Variants in SLC38A12 observed in about 807,000 individuals in gnomAD.
The protein encoded by SLC38A12 is putative sodium-coupled neutral amino acid transporter 12.
At chr17:74,811,869 C>CA in the SLC38A12 span, among the ~76,000 whole-genome samples, 17 of 151,200 alleles carry the variant, frequency 1.1e-4, no homozygotes, top group Non-Finnish European at 1.8e-4. Context: ...CCCATCTCTG[C>CA]AAAAAAAATA....
the SLC38A12 span, among the ~76,000 whole-genome samples, chr17:74,829,119 G>A: frequency 6.6e-6 from 1 of 151,976 alleles, no homozygotes; most frequent in East Asian, 1.9e-4. The surrounding 1 kb of genome is among the most constrained non-coding windows in gnomAD (Gnocchi z 4.1). Context: ...CCTTTTCCAC[G>A]CTAAGTCTTT....
chr17:74,785,475 G>C, the SLC38A12 span: 1 of 1,607,890 alleles, frequency 6.2e-7, no homozygotes, highest in South Asian at 1.1e-5. Context: ...GCCTCTGTCG[G>C]TTCCAGGTTG....
the SLC38A12 span, among the ~76,000 whole-genome samples, chr17:74,821,537 C>CA: frequency 6.6e-5 from 10 of 152,170 alleles, no homozygotes; most frequent in Non-Finnish European, 1.3e-4. Context: ...CCCTGGGTGC[C>CA]AGGAGGGATT....
chr17:74,825,725 C>CT, the SLC38A12 span, among the ~76,000 whole-genome samples: 1 of 152,248 alleles, frequency 6.6e-6, no homozygotes, highest in Non-Finnish European at 1.5e-5. Context: ...GGCAAGGAAA[C>CT]TAAGTCCCAG....
At chr17:74,805,164 G>A in the SLC38A12 span, among the ~76,000 whole-genome samples, 2 of 152,254 alleles carry the variant, frequency 1.3e-5, no homozygotes, top group Non-Finnish European at 2.9e-5. The surrounding 1 kb of genome is among the most constrained non-coding windows in gnomAD (Gnocchi z 5.0). Context: ...CTCCCGGGGA[G>A]AGGCCTACTC....
chr17:74,787,252 G>A, the SLC38A12 span, among the ~76,000 whole-genome samples: 34 of 152,248 alleles, frequency 2.2e-4, no homozygotes, highest in Admixed American at 5.2e-4. Context: ...AGGGTGAGCA[G>A]TCAGCCCCCC....
At chr17:74,788,799 A>G in the SLC38A12 span, 16 of 1,613,054 alleles carry the variant, frequency 9.9e-6, no homozygotes, top group East Asian at 1.6e-4. Flanking sequence ...CTTCGTGACC[A>G]CCACCTTTGT....
the SLC38A12 span, chr17:74,837,799 G>T: frequency 1.0e-6 from 1 of 985,950 alleles, no homozygotes; most frequent in Non-Finnish European, 1.2e-6. Context: ...CAGGTGACTC[G>T]AATGAACTCT....
the SLC38A12 span, among the ~76,000 whole-genome samples, chr17:74,787,187 T>G: frequency 4.6e-5 from 7 of 152,108 alleles, no homozygotes; most frequent in Middle Eastern, 3.4e-3. Context: ...GGAGTGAGTG[T>G]GGGTTTAACT....
At chr17:74,811,614 G>T in the SLC38A12 span, among the ~76,000 whole-genome samples, 1 of 151,410 alleles carries the variant, frequency 6.6e-6, no homozygotes, top group Non-Finnish European at 1.5e-5. Context: ...CCAGCTACCT[G>T]GGAGGCTGAG....
chr17:74,810,697 G>A, the SLC38A12 span, among the ~76,000 whole-genome samples: 1 of 152,212 alleles, frequency 6.6e-6, no homozygotes, highest in Non-Finnish European at 1.5e-5. Context: ...CAGGAGGGGC[G>A]CTGCTCACCC....
At chr17:74,801,859 C>G in the SLC38A12 span, among the ~76,000 whole-genome samples, 1 of 152,136 alleles carries the variant, frequency 6.6e-6, no homozygotes, top group Non-Finnish European at 1.5e-5. Flanking sequence ...TTCTTGTCTT[C>G]CGTGTGCTTT....
chr17:74,836,631 T>G, the SLC38A12 span: 1 of 1,612,546 alleles, frequency 6.2e-7, no homozygotes. This position sits in a 1 kb window ranked among gnomAD's most constrained non-coding sequence, Gnocchi z 4.2. Context: ...GCTCTGGGCT[T>G]TCTCCTGCTT....
the SLC38A12 span, among the ~76,000 whole-genome samples, chr17:74,824,462 G>A: frequency 6.6e-5 from 10 of 152,302 alleles, no homozygotes; most frequent in Admixed American, 3.3e-4. Context: ...CTGCCCCGCC[G>A]CAGGGAGCTC....
At chr17:74,792,561 T>G in the SLC38A12 span, among the ~76,000 whole-genome samples, 3 of 152,244 alleles carry the variant, frequency 2.0e-5, no homozygotes, top group Admixed American at 6.5e-5. Context: ...CCCTTGCAAC[T>G]GTCTTCGAAG....
the SLC38A12 span, among the ~76,000 whole-genome samples, chr17:74,780,992 A>G: frequency 1.1e-4 from 17 of 152,170 alleles, no homozygotes; most frequent in Non-Finnish European, 1.9e-4. Context: ...CCTGCCCCCC[A>G]GAGGACAGTA....
chr17:74,835,467 C>A, the SLC38A12 span, among the ~76,000 whole-genome samples: 5 of 152,308 alleles, frequency 3.3e-5, no homozygotes, highest in East Asian at 9.7e-4. Context: ...TACCCCCCAG[C>A]ACTCCAGCCT....
At chr17:74,779,563 G>T in the SLC38A12 span, among the ~76,000 whole-genome samples, 1 of 152,140 alleles carries the variant, frequency 6.6e-6, no homozygotes, top group African/African-American at 2.4e-5. Context: ...AACAATTCTT[G>T]GTCCTCTGTA....
chr17:74,792,103 G>A, the SLC38A12 span, among the ~76,000 whole-genome samples: 522 of 149,454 alleles, frequency 3.5e-3, 2 homozygotes, highest in African/African-American at 0.012. Context: ...CCAAGATCGC[G>A]CCACTGCACT....
Sources: allele counts gnomAD v4.1 joint callset (sites outside exome capture counted in the v4.1 genomes callset), GRCh38; gene constraint gnomAD v4.1.1; non-coding constraint Gnocchi (gnomAD v3.1); transcripts MANE v1.5; gene names NCBI Gene and HGNC (gene_info 2026-07-23, HGNC 2026-07-21).